Variants in XIAP observed in about 807,000 individuals in gnomAD.
The protein encoded by XIAP is X-linked inhibitor of apoptosis.
In XIAP, 3 loss-of-function variants were observed where a neutral mutation model predicts 33.1. The observed-to-expected ratio is 0.09, with a 90% CI of 0.04 to 0.23. The LOEUF (loss-of-function observed/expected upper bound fraction) is 0.23. Among genes scored for constraint, XIAP ranks in the 10% least tolerant of loss-of-function variants. The pLI is 1.00. For synonymous variants in XIAP, 98 were observed against 121.3 expected (o/e 0.81, Z 1.26); for missense variants, 264 against 363.0 (o/e 0.73, Z 2.22).
At position 123,899,926 on chromosome X, in the gene XIAP, C is replaced by T. The variant is rs140156860; in HGVS notation, c.1100-567C>T. On this transcript the variant is annotated intron_variant, in intron 5 of 6. Coordinates refer to ENST00000371199, the MANE Select transcript of XIAP (RefSeq NM_001167.4). Reference sequence around the variant, plus strand: ...TGATGAGTCAGAGGGTATAAGTGTCCTCTCCTAGCACTTCCCTACACATGC... The same window carrying T: ...TGATGAGTCAGAGGGTATAAGTGTCTTCTCCTAGCACTTCCCTACACATGC... Among the ~76,000 whole-genome samples, 255 of 111,026 alleles carry T rather than the reference C, an allele frequency of 2.3e-3. 2 individuals are homozygous for T. Among genetic ancestry groups the T allele is most frequent in the African/African-American group, 7.9e-3 (242 of 30,605 alleles).
At chrX:123,875,913 C>T (rs2053239933) in intron 1 of XIAP, among the ~76,000 whole-genome samples, 1 of 111,729 alleles carries the variant, frequency 9.0e-6, no homozygotes, top group South Asian at 3.7e-4. Context: ...CTTGAACTCC[C>T]GAAATCAAGC....
intron 5 of XIAP, among the ~76,000 whole-genome samples, chrX:123,896,593 T>TTTC (rs1369912341): frequency 1.8e-5 from 2 of 108,855 alleles, no homozygotes; most frequent in African/African-American, 6.7e-5. Context: ...TTTTTTTTTT[T>TTTC]TTCCCAAGAC....
chrX:123,862,933 C>T (rs2053095367), intron 1 of XIAP, among the ~76,000 whole-genome samples: 2 of 108,466 alleles, frequency 1.8e-5, no homozygotes, highest in African/African-American at 6.7e-5. Context: ...AATAAAAATA[C>T]AAAAATTAGC....
chrX:123,895,155 A>G (rs2053448703), intron 5 of XIAP, among the ~76,000 whole-genome samples: 1 of 111,106 alleles, frequency 9.0e-6, no homozygotes, highest in African/African-American at 3.3e-5. Flanking sequence ...CCCTACCCCT[A>G]GGCCAGGGCA....
chrX:123,913,190 C>G lies in XIAP; in HGVS notation c.*6009C>G, dbSNP rs1183404777. 3.1e-6 allele frequency: 1 copy of G among 326,620 alleles called. No individual in the cohort carries two copies. Among genetic ancestry groups the G allele is most frequent in the Admixed American group, 3.1e-5 (1 of 31,839 alleles). 26.9% of individuals were successfully genotyped at this position (326,620 alleles called of 1,213,427 possible). A position where few individuals can be genotyped will look rare whatever the true frequency, so the allele number is the denominator to read the frequency against. Reference sequence around the variant, plus strand: ...TTGTATCTTCAAAGTAGACAAATGGCGCCGGGCACGGTGGCTCACGCCTGT... The same window carrying G: ...TTGTATCTTCAAAGTAGACAAATGGGGCCGGGCACGGTGGCTCACGCCTGT... On this transcript the variant is annotated 3_prime_UTR_variant, in exon 7 of 7. Coordinates refer to ENST00000371199, the MANE Select transcript of XIAP (RefSeq NM_001167.4).
At chrX:123,882,188 C>T (rs778339103) in intron 1 of XIAP, among the ~76,000 whole-genome samples, 3 of 112,049 alleles carry the variant, frequency 2.7e-5, no homozygotes, top group East Asian at 5.6e-4. Context: ...CCCAGTCTCC[C>T]AGTCCATGCT....
intron 4 of XIAP, 121 bp from the exon 5 acceptor site, chrX:123,892,610 C>T: frequency 1.8e-6 from 1 of 556,069 alleles, no homozygotes; most frequent in Non-Finnish European, 3.0e-6. Context: ...TGTGAATATT[C>T]ATATATTGAA....
chrX:123,911,621 T>A lies in XIAP; in HGVS notation c.*4440T>A, dbSNP rs1278577920. Reference sequence around the variant, plus strand: ...TGAGCCCATGAATTTGAGGCAGCAGTGAGCTATGATTGTGCCACTGTACTC... The same window carrying A: ...TGAGCCCATGAATTTGAGGCAGCAGAGAGCTATGATTGTGCCACTGTACTC... On this transcript the variant is annotated 3_prime_UTR_variant, in exon 7 of 7. Transcript: ENST00000371199. 1 of 318,607 alleles carries A rather than the reference T, an allele frequency of 3.1e-6. No individual in the cohort carries two copies. The highest frequency in any genetic ancestry group is 6.0e-6 in the Non-Finnish European group (1 of 165,882). The allele number at this position is 318,607 out of a possible 1,213,427, so 26.3% of individuals were successfully genotyped here. A position where few individuals can be genotyped will look rare whatever the true frequency, so the allele number is the denominator to read the frequency against.
intron 1 of XIAP, among the ~76,000 whole-genome samples, chrX:123,881,019 T>A (rs753648727): frequency 9.0e-6 from 1 of 111,225 alleles, no homozygotes; most frequent in Admixed American, 9.8e-5. Context: ...TTGCTGGTCC[T>A]TTTTGTCCCA....
chrX:123,881,878 C>T (rs1261868217), intron 1 of XIAP, among the ~76,000 whole-genome samples: 2 of 109,701 alleles, frequency 1.8e-5, no homozygotes, highest in Admixed American at 9.9e-5. Flanking sequence ...CTTGGCCTCC[C>T]AAGTAGCTGG....
intron 3 of XIAP, 141 bp from the exon 4 acceptor site, chrX:123,891,097 G>A (rs2053403682): frequency 2.9e-6 from 1 of 350,723 alleles, no homozygotes; most frequent in Non-Finnish European, 5.1e-6. Flanking sequence ...AGGGAATTGG[G>A]TAACATTTTA....
rs1187328706 is a variant in XIAP at position 123,899,119 on chromosome X, CAAAAAAAAAAAA to C, written c.1100-1359_1100-1348del. ...TGGGTGACAGAGCGAGACTACGTCT[CAAAAAAAAAAAA>C]AAAAAAAAAAAAAATATATATATAT... On this transcript the variant is annotated intron_variant, in intron 5 of 6. Transcript: ENST00000371199. 8.3e-4 allele frequency among the ~76,000 whole-genome samples: 6 copies of C among 7,219 alleles called. 1 individual carries two copies. The highest frequency in any genetic ancestry group is 4.4e-3 in the African/African-American group (6 of 1,355). 6.3% of individuals were successfully genotyped at this position (7,219 alleles called of 115,157 possible).
chrX:123,862,217 C>T (rs892813548), intron 1 of XIAP, among the ~76,000 whole-genome samples: 3 of 108,493 alleles, frequency 2.8e-5, no homozygotes, highest in Non-Finnish European at 3.8e-5. Context: ...TACAGGCATG[C>T]GCCACCACGC....
At chrX:123,881,267 A>G (rs1339841589) in intron 1 of XIAP, among the ~76,000 whole-genome samples, 6 of 110,993 alleles carry the variant, frequency 5.4e-5, no homozygotes, top group Non-Finnish European at 9.4e-5. Context: ...ACCCTTGTCT[A>G]ATATTCATAC....
intron 1 of XIAP, 113 bp from the exon 2 acceptor site, chrX:123,885,518 C>A (rs1040822888): frequency 1.5e-5 from 8 of 547,478 alleles, no homozygotes; most frequent in Non-Finnish European, 2.3e-5. Context: ...TGTTTCTTAG[C>A]GGTCGTGTAG....
At chrX:123,875,310 C>T (rs891070373) in intron 1 of XIAP, among the ~76,000 whole-genome samples, 1 of 110,673 alleles carries the variant, frequency 9.0e-6, no homozygotes, top group African/African-American at 3.3e-5. Flanking sequence ...CGTGAGCCAC[C>T]GCGCCCGGCC....
intron 1 of XIAP, among the ~76,000 whole-genome samples, chrX:123,860,742 T>C (rs1403922602): frequency 4.5e-5 from 5 of 111,823 alleles, no homozygotes; most frequent in African/African-American, 1.6e-4. Flanking sequence ...CAGTCACCTT[T>C]CCGGCATGTT....
intron 3 of XIAP, among the ~76,000 whole-genome samples, chrX:123,890,639 CAAAAAA>C: frequency 1.7e-5 from 1 of 58,273 alleles, no homozygotes; most frequent in South Asian, 1.1e-3. Context: ...GACACTGTCT[CAAAAAA>C]AAAAAAAAAA....
chrX:123,884,758 ATAAT>A (rs1165083889), intron 1 of XIAP, among the ~76,000 whole-genome samples: 2 of 111,314 alleles, frequency 1.8e-5, no homozygotes, highest in Non-Finnish European at 3.8e-5. Flanking sequence ...TATCTTTCTA[ATAAT>A]TGATACCCTT....
Sources: allele counts gnomAD v4.1 joint callset (sites outside exome capture counted in the v4.1 genomes callset), GRCh38; gene constraint gnomAD v4.1.1; transcripts MANE v1.5; gene names NCBI Gene and HGNC (gene_info 2026-07-23, HGNC 2026-07-21).